Variants in TMEM120B observed in about 807,000 individuals in gnomAD.
TMEM120B encodes the protein transmembrane protein 120B.
TMEM120B carries 31 observed loss-of-function variants against 55.5 expected under a neutral mutation model. That is an observed-to-expected ratio of 0.56 (90% CI 0.42 to 0.75). The LOEUF is 0.75. TMEM120B is among the 30% of genes least tolerant of loss of function. The pLI is 0.00. For missense variants in TMEM120B, 399 were observed against 425.5 expected, an observed-to-expected ratio of 0.94 and a Z score of 0.55; for synonymous variants, 203 against 176.3, an observed-to-expected ratio of 1.15 and a Z score of -1.20.
At chr12:121,758,118 C>T in intron 5 of TMEM120B, 1 of 978,976 alleles carries the variant, frequency 1.0e-6, no homozygotes, top group Non-Finnish European at 1.2e-6. Flanking sequence ...AAAAAAATTG[C>T]CAAAGACAGA....
rs924264421 is a variant in TMEM120B at position 121,779,995 on chromosome 12, A to C, written c.*4273A>C. ...GAAGAGTTGGAGGCCTCAAGACAGA[A>C]AGGACTTCCAGCCACCTCTCTCCCT... On this transcript the variant is annotated 3_prime_UTR_variant, in exon 12 of 12. Transcript: ENST00000449592. 6.7e-5 allele frequency: 17 copies of C among 255,058 alleles called. No individual in the cohort carries two copies. The highest frequency in any genetic ancestry group is 1.1e-4 in the Non-Finnish European group (15 of 131,416). The allele number at this position is 255,058 out of a possible 1,614,324, so 15.8% of individuals were successfully genotyped here.
intron 6 of TMEM120B, among the ~76,000 whole-genome samples, chr12:121,767,960 T>C (rs28656299): frequency 0.075 from 11,432 of 152,226 alleles, 602 homozygotes; most frequent in African/African-American, 0.14. Flanking sequence ...GTGTGGCGCC[T>C]GCCAAGTGCT....
chr12:121,742,811 C>G (rs761246116), intron 1 of TMEM120B, among the ~76,000 whole-genome samples: 2 of 151,948 alleles, frequency 1.3e-5, no homozygotes, highest in Admixed American at 1.3e-4. Flanking sequence ...CTCCTGACCT[C>G]TGATCTACCT....
intron 1 of TMEM120B, among the ~76,000 whole-genome samples, chr12:121,724,778 G>A (rs961509898): frequency 6.6e-6 from 1 of 151,832 alleles, no homozygotes; most frequent in Admixed American, 6.6e-5. Context: ...ACCCGGCTAA[G>A]TTTTTGTATT....
intron 3 of TMEM120B, among the ~76,000 whole-genome samples, chr12:121,749,162 G>A (rs1355426844): frequency 6.6e-6 from 1 of 152,182 alleles, no homozygotes; most frequent in Admixed American, 6.5e-5. Flanking sequence ...GGAGGGAGCT[G>A]GCTAGCCCTG....
At position 121,781,253 on chromosome 12, in the gene TMEM120B, TGAAGGG is replaced by T; in HGVS notation, c.*5539_*5544del. 6.7e-7 allele frequency: 1 copy of T among 1,491,460 alleles called. No homozygotes were observed. The highest frequency in any genetic ancestry group is 9.3e-7 in the Non-Finnish European group (1 of 1,074,528). 92.4% of individuals were successfully genotyped at this position (1,491,460 alleles called of 1,614,324 possible). ...CCCTCCCTGTCTGGACTCTGACGGG[TGAAGGG>T]GAAGGGGCCAGGCAAGTGACCCTGC... is the stretch of plus-strand genomic sequence containing the variant. On this transcript the variant is annotated 3_prime_UTR_variant, in exon 12 of 12. Coordinates refer to ENST00000449592, the MANE Select transcript of TMEM120B (RefSeq NM_001080825.2).
At chr12:121,743,357 T>C (rs1030004408) in intron 1 of TMEM120B, among the ~76,000 whole-genome samples, 1 of 151,074 alleles carries the variant, frequency 6.6e-6, no homozygotes, top group African/African-American at 2.4e-5. Context: ...GAGACCAGCC[T>C]GGCCAATATG....
intron 1 of TMEM120B, among the ~76,000 whole-genome samples, chr12:121,714,061 G>C (rs539662435): frequency 1.2e-4 from 19 of 152,126 alleles, no homozygotes; most frequent in Non-Finnish European, 2.6e-4. Context: ...AATAGACAGA[G>C]GGTTGCTGGA....
In TMEM120B at chr12:121,748,332, A is replaced by G; in HGVS notation, c.195A>G (p.Lys65=). 1 of 1,609,872 alleles carries G rather than the reference A, an allele frequency of 6.2e-7. No individual in the cohort carries two copies. Among genetic ancestry groups the G allele is most frequent in the Non-Finnish European group, 8.5e-7 (1 of 1,177,922 alleles). The change falls in exon 3 of 12, where the codon AAA becomes AAG. Residue 65 remains lysine (K), a synonymous_variant. Transcript: ENST00000449592. ...CCTGCATCTCTGTCCGCAGGTGCAA[A>G]CGCCATGCCAGTCGGGAGGAGGCGG... is the stretch of plus-strand genomic sequence containing the variant. ...KDLKLTLQRC[K]RHASREEAEL...
At chr12:121,747,189 G>A (rs559073920) in intron 2 of TMEM120B, among the ~76,000 whole-genome samples, 1 of 152,236 alleles carries the variant, frequency 6.6e-6, no homozygotes, top group Admixed American at 6.5e-5. Context: ...GACTACCTGG[G>A]AGGCAGCATC....
intron 1 of TMEM120B, among the ~76,000 whole-genome samples, chr12:121,728,462 C>G (rs2137030889): frequency 1.3e-5 from 2 of 150,338 alleles, no homozygotes; most frequent in South Asian, 4.2e-4. Context: ...GTACTCCAGC[C>G]TGGGCGACAG....
intron 8 of TMEM120B, among the ~76,000 whole-genome samples, chr12:121,772,388 C>G (rs1874094583): frequency 6.6e-6 from 1 of 151,870 alleles, no homozygotes; most frequent in African/African-American, 2.4e-5. Context: ...CCTCTGCCAC[C>G]CAAAGTGTTG....
At chr12:121,768,911 C>T (rs112279125) in intron 6 of TMEM120B, among the ~76,000 whole-genome samples, 7,438 of 152,060 alleles carry the variant, frequency 0.049, 240 homozygotes, top group African/African-American at 0.072. Flanking sequence ...TTTGGGAGGC[C>T]GAGGCAGGTG....
intron 5 of TMEM120B, among the ~76,000 whole-genome samples, chr12:121,756,234 A>T (rs757480587): frequency 8.5e-5 from 13 of 152,142 alleles, no homozygotes; most frequent in Non-Finnish European, 1.9e-4. Context: ...GTGGTGGTTC[A>T]TGCCTGTAAT....
chr12:121,742,380 C>T (rs762523181), intron 1 of TMEM120B, among the ~76,000 whole-genome samples: 1 of 152,014 alleles, frequency 6.6e-6, no homozygotes, highest in Non-Finnish European at 1.5e-5. Flanking sequence ...TGGACCATCC[C>T]CTTTTGCTCT....
chr12:121,752,491 G>A (rs1389544281), intron 5 of TMEM120B, among the ~76,000 whole-genome samples: 3 of 151,912 alleles, frequency 2.0e-5, no homozygotes, highest in Admixed American at 6.6e-5. Flanking sequence ...GGTGGCTCAC[G>A]CCTGTAATCC....
chr12:121,755,225 G>A (rs1279622671), intron 5 of TMEM120B, among the ~76,000 whole-genome samples: 1 of 152,200 alleles, frequency 6.6e-6, no homozygotes, highest in Non-Finnish European at 1.5e-5. Flanking sequence ...GTACCACTAA[G>A]CCTGCAGCTG....
intron 3 of TMEM120B, among the ~76,000 whole-genome samples, chr12:121,749,992 C>A (rs191427193): frequency 1.9e-3 from 280 of 150,920 alleles, no homozygotes; most frequent in Admixed American, 4.1e-3. Flanking sequence ...GACCCTGTCT[C>A]TAAAAATAAT....
intron 7 of TMEM120B, 139 bp downstream of exon 7, chr12:121,771,111 C>A: frequency 2.2e-6 from 2 of 916,504 alleles, no homozygotes; most frequent in Non-Finnish European, 3.4e-6. Context: ...GAGCCTGCAG[C>A]TGCGCCGGGC....
Sources: allele counts gnomAD v4.1 joint callset (sites outside exome capture counted in the v4.1 genomes callset), GRCh38; gene constraint gnomAD v4.1.1; transcripts MANE v1.5; gene names NCBI Gene and HGNC (gene_info 2026-07-23, HGNC 2026-07-21).